MYBPC3: variants seen among roughly 807,000 people sequenced by gnomAD.
MYBPC3 encodes myosin-binding protein C, cardiac-type.
A neutral mutation model predicts 159.3 loss-of-function variants in MYBPC3; 108 were observed. That is an observed-to-expected ratio of 0.68 (90% CI 0.58 to 0.80). MYBPC3 has a LOEUF of 0.80. Ranked by LOEUF, MYBPC3 falls within the 30% of genes least tolerant of loss-of-function variation. The pLI, the probability that MYBPC3 is intolerant of heterozygous loss-of-function variation, is 0.00. For missense variants in MYBPC3, 1,631 were observed against 1,762.1 expected, an observed-to-expected ratio of 0.93 and a Z score of 1.33; for synonymous variants, 730 against 702.0, an observed-to-expected ratio of 1.04 and a Z score of -0.63.
chr11:47,349,953 G>A, intron 4 of MYBPC3, 31 bp from the exon 5 acceptor site: 1 of 1,575,164 alleles, frequency 6.3e-7, no homozygotes, highest in Non-Finnish European at 8.6e-7. Flanking sequence ...GGCCCGGCTT[G>A]GGGAGTGTCC....
Position 47,337,474 on chromosome 11 carries a change from A to ATG in MYBPC3, c.2518_2519insCA (p.Val840AlafsTer40). 6.2e-7 allele frequency: 1 copy of ATG among 1,613,830 alleles called. No homozygotes were observed. Among genetic ancestry groups the ATG allele is most frequent in the South Asian group, 1.1e-5 (1 of 91,082 alleles). ...CGCGTAGACGCGCATCTCGTACACCACGCCCTCGATCATGCGCCGCGCTTC... is the reference window on the plus strand; with the variant it reads ...CGCGTAGACGCGCATCTCGTACACCATGCGCCCTCGATCATGCGCCGCGCTTC... On this transcript the variant is annotated frameshift_variant, in exon 25 of 35. Transcript: ENST00000545968. LOFTEE classifies it high-confidence loss of function.
chr11:47,339,765 G>A lies in MYBPC3; in HGVS notation c.1953C>T (p.Cys651=), dbSNP rs936188645. The change falls in exon 21 of 35, where the codon TGC becomes TGT. Residue 651 remains cysteine, a synonymous_variant. Coordinates refer to ENST00000545968, the MANE Select transcript of MYBPC3 (RefSeq NM_000256.3). ...RQEPPKIHLD[C]PGRIPDTIVV... ...CAATGGTGTCTGGTATGCGGCCTGG[G>A]CAGTCCAGGTGGATCTTGGGAGGTT... The A allele has an allele frequency of 1.2e-5, 20 of 1,613,778 alleles. No homozygotes were observed. The Admixed American group carries it at 2.3e-4, about 19-fold the overall frequency.
rs540673034 is a variant in MYBPC3, at chr11:47,338,249, C to G, written c.2308+271G>C. Among the ~76,000 whole-genome samples, 1 of 152,164 alleles carries G rather than the reference C, an allele frequency of 6.6e-6. No homozygotes were observed. Among genetic ancestry groups the G allele is most frequent in the African/African-American group, 2.4e-5 (1 of 41,440 alleles). On this transcript the variant is annotated intron_variant, in intron 23 of 34. Coordinates refer to ENST00000545968, the MANE Select transcript of MYBPC3 (RefSeq NM_000256.3). The surrounding 1 kb of genome is among the most constrained non-coding windows in gnomAD (Gnocchi z 4.7). ...TCTTCTCAGCCTCCTAAAGGCATCACCCCCAGGCACAGGGATGGCTCTCTG... is the reference window on the plus strand; with the variant it reads ...TCTTCTCAGCCTCCTAAAGGCATCAGCCCCAGGCACAGGGATGGCTCTCTG...
Position 47,351,303 on chromosome 11 carries a change from C to T in MYBPC3, c.228G>A (p.Gln76=), listed in dbSNP as rs766359851. 3 of 1,576,272 alleles carry T rather than the reference C, an allele frequency of 1.9e-6. No individual in the cohort carries two copies. Among genetic ancestry groups the T allele is most frequent in the Non-Finnish European group, 8.6e-7 (1 of 1,160,468 alleles). The change falls in exon 2 of 35, where the codon CAG becomes CAA. Residue 76 remains glutamine (Q), a synonymous_variant. Coordinates refer to ENST00000545968, the MANE Select transcript of MYBPC3 (RefSeq NM_000256.3). The surrounding 1 kb of genome is among the most constrained non-coding windows in gnomAD (Gnocchi z 4.2). Reference sequence around the variant, plus strand: ...AGCCAGCAATGACTGCGTAAGATCCCTGGTCGGCAGGGCCCACTTCCCGCA... The same window carrying T: ...AGCCAGCAATGACTGCGTAAGATCCTTGGTCGGCAGGGCCCACTTCCCGCA... ...LTVREVGPAD[Q]GSYAVIAGSS...
In MYBPC3 at chr11:47,351,292, G is replaced by C. The variant is rs1410583905; in HGVS notation, c.239C>G (p.Ala80Gly). 2.7e-5 allele frequency: 42 copies of C among 1,569,424 alleles called. No individual in the cohort carries two copies. Among genetic ancestry groups the C allele is most frequent in the Non-Finnish European group, 3.4e-5 (39 of 1,156,064 alleles). ...EVGPADQGSY[A>G]VIAGSSKVKF... Reference sequence around the variant, plus strand: ...GACCTTGGAGGAGCCAGCAATGACTGCGTAAGATCCCTGGTCGGCAGGGCC... The same window carrying C: ...GACCTTGGAGGAGCCAGCAATGACTCCGTAAGATCCCTGGTCGGCAGGGCC... Residue 80 changes from alanine to glycine, a missense_variant, in exon 2 of 35, where the codon GCA (alanine) becomes GGA (glycine). Physicochemically the swap from Ala to Gly is moderately conservative, Grantham distance 60 (BLOSUM62 0). Transcript: ENST00000545968. The surrounding 1 kb of genome is among the most constrained non-coding windows in gnomAD (Gnocchi z 4.2).
intron 30 of MYBPC3, 76 bp downstream of exon 30, chr11:47,333,118 C>T (rs567692440): frequency 1.9e-6 from 3 of 1,541,892 alleles, no homozygotes; most frequent in East Asian, 2.4e-5. Flanking sequence ...ACGGTGAGGA[C>T]AGTGAAGGGT....
chr11:47,343,425 G>C, intron 13 of MYBPC3, 67 bp downstream of exon 13: 1 of 1,521,534 alleles, frequency 6.6e-7, no homozygotes, highest in Non-Finnish European at 8.8e-7. Flanking sequence ...ATGTGGAGAG[G>C]GGCAGGAGGC....
intron 18 of MYBPC3, 85 bp from the exon 19 acceptor site, chr11:47,341,329 C>A: frequency 1.9e-6 from 2 of 1,030,516 alleles, no homozygotes; most frequent in Non-Finnish European, 2.8e-6. Context: ...TCCCAGGAGG[C>A]CCTCACCTTG....
rs114368094 is a variant in MYBPC3 at position 47,332,754 on chromosome 11, C to T, written c.3491-52G>A. On this transcript the variant is annotated intron_variant, in intron 31 of 34. Transcript: ENST00000545968. The surrounding 1 kb of genome is among the most constrained non-coding windows in gnomAD (Gnocchi z 4.2). ...GAGGGCCACACAAAGCTAGGCCCCTCTCCCTGTTCCCACAGCCTCCCTGCC... is the reference window on the plus strand; with the variant it reads ...GAGGGCCACACAAAGCTAGGCCCCTTTCCCTGTTCCCACAGCCTCCCTGCC... The T allele has an allele frequency of 5.0e-6, 8 of 1,584,520 alleles. No homozygotes were observed. The highest frequency in any genetic ancestry group is 6.9e-6 in the Non-Finnish European group (8 of 1,164,526).
intron 26 of MYBPC3, 23 bp downstream of exon 26, chr11:47,335,854 G>C: frequency 6.9e-7 from 1 of 1,444,076 alleles, no homozygotes; most frequent in Non-Finnish European, 9.2e-7. Context: ...TTGGGGAGGG[G>C]GGTTGGGGGC....
intron 5 of MYBPC3, among the ~76,000 whole-genome samples, chr11:47,349,292 T>C (rs2095897851): frequency 1.3e-5 from 2 of 152,048 alleles, no homozygotes; most frequent in Admixed American, 6.5e-5. Flanking sequence ...CTAAGTGACC[T>C]TGGAGCAGCC....
At position 47,332,644 on chromosome 11, in the gene MYBPC3, G is replaced by A; in HGVS notation, c.3549C>T (p.Phe1183=). 1 of 1,613,868 alleles carries A rather than the reference G, an allele frequency of 6.2e-7. No homozygotes were observed. The highest frequency in any genetic ancestry group is 1.7e-5 in the Admixed American group (1 of 60,010). The part of the protein sequence containing the change: ...KALDFSEAPS[F]TQPLVNRSVI... ...CCGAGCGGTTCACCAGGGGCTGGGT[G>A]AAGCTTGGGGCCTCGGAGAAGTCCA... Residue 1183 remains phenylalanine, a synonymous_variant, in exon 32 of 35, where the codon TTC becomes TTT. Coordinates refer to ENST00000545968, the MANE Select transcript of MYBPC3 (RefSeq NM_000256.3). This position sits in a 1 kb window ranked among gnomAD's most constrained non-coding sequence, Gnocchi z 4.2.
In MYBPC3 at chr11:47,338,458, G is replaced by C. The variant is rs917814495; in HGVS notation, c.2308+62C>G. 10 of 1,605,146 alleles carry C rather than the reference G, an allele frequency of 6.2e-6. No homozygotes were observed. Among genetic ancestry groups the C allele is most frequent in the African/African-American group, 2.7e-5 (2 of 74,790 alleles). ...TTGTCGAGTGGCTGAATGAGCGAAC[G>C]GATGGGCCCTCCTTGGGGCTGCCCC... On this transcript the variant is annotated intron_variant, in intron 23 of 34. Transcript: ENST00000545968. The surrounding 1 kb of genome is among the most constrained non-coding windows in gnomAD (Gnocchi z 4.7).
intron 1 of MYBPC3, among the ~76,000 whole-genome samples, chr11:47,352,102 C>T (rs2095901522): frequency 6.6e-6 from 1 of 152,104 alleles, no homozygotes; most frequent in Non-Finnish European, 1.5e-5. Flanking sequence ...GGGGCTGTGT[C>T]ACCCTCAACA....
At chr11:47,349,625 G>A in intron 5 of MYBPC3, 149 bp downstream of exon 5, 3 of 1,186,236 alleles carry the variant, frequency 2.5e-6, no homozygotes, top group South Asian at 1.6e-5. Context: ...TGGGCCCCTG[G>A]CCCCTCCACC....
chr11:47,347,361 C>A, intron 9 of MYBPC3, 65 bp downstream of exon 9: 1 of 1,552,960 alleles, frequency 6.4e-7, no homozygotes. Flanking sequence ...AGCTGGCAAA[C>A]CACAGTGCTG....
Position 47,351,575 on chromosome 11 carries a change from A to G in MYBPC3, c.26-70T>C. 10 of 1,461,760 alleles carry G rather than the reference A, an allele frequency of 6.8e-6. No homozygotes were observed. The highest frequency in any genetic ancestry group is 9.1e-6 in the Non-Finnish European group (10 of 1,097,884). 90.5% of individuals were successfully genotyped at this position (1,461,760 alleles called of 1,614,324 possible). A position where few individuals can be genotyped will look rare whatever the true frequency, so the allele number is the denominator to read the frequency against. On this transcript the variant is annotated intron_variant, in intron 1 of 34. Transcript: ENST00000545968. The surrounding 1 kb of genome is among the most constrained non-coding windows in gnomAD (Gnocchi z 4.2). ...GCACCCCGCCCCTGCAGCCCCTCTC[A>G]GTAAATACTGTGCTAGCACTTTCTA...
intron 14 of MYBPC3, 47 bp downstream of exon 14, chr11:47,343,213 G>C (rs776843623): frequency 6.3e-7 from 1 of 1,579,776 alleles, no homozygotes; most frequent in Non-Finnish European, 8.6e-7. Context: ...TGCGCCCCAT[G>C]ATAATCCCTG....
chr11:47,334,588 TCTCA>T (rs1428721277), intron 27 of MYBPC3, among the ~76,000 whole-genome samples: 1 of 151,940 alleles, frequency 6.6e-6, no homozygotes, highest in African/African-American at 2.4e-5. Context: ...TGAGACGTTG[TCTCA>T]CTCTGTCACC....
Sources: gnomAD v4.1 joint callset for allele counts (sites outside exome capture counted in the v4.1 genomes callset) on GRCh38, gnomAD v4.1.1 for gene constraint, Gnocchi (gnomAD v3.1) non-coding constraint, MANE v1.5 for transcripts, NCBI Gene and HGNC (gene_info 2026-07-23, HGNC 2026-07-21) for gene names.